COL17A1: variants seen among roughly 807,000 people sequenced by gnomAD.
The protein encoded by COL17A1 is collagen alpha-1(XVII) chain.
A neutral mutation model predicts 218.4 loss-of-function variants in COL17A1; 181 were observed. The observed-to-expected ratio is 0.83, with a 90% CI of 0.73 to 0.94. The LOEUF is 0.94. COL17A1 is among the 40% of genes least tolerant of loss of function. COL17A1 has a pLI of 0.00. For missense variants in COL17A1, 1,924 were observed against 1,945.9 expected, an observed-to-expected ratio of 0.99 and a Z score of 0.21; for synonymous variants, 721 against 731.0, an observed-to-expected ratio of 0.99 and a Z score of 0.22.
intron 36 of COL17A1, 40 bp from the exon 37 acceptor site, chr10:104,041,578 C>T (rs769476061): frequency 1.9e-5 from 29 of 1,564,232 alleles, no homozygotes; most frequent in East Asian, 2.2e-5. Flanking sequence ...AAAGCTGTCA[C>T]GAGGCTGCTC....
chr10:104,034,931 T>C (rs759109785), intron 50 of COL17A1, among the ~76,000 whole-genome samples, 164 bp from the exon 51 acceptor site: 3 of 152,140 alleles, frequency 2.0e-5, no homozygotes, highest in Non-Finnish European at 4.4e-5. Context: ...GCCTGCTGTT[T>C]CCTGACATCA....
At chr10:104,058,092 C>A (rs1347401102) in intron 16 of COL17A1, 54 bp downstream of exon 16, 1 of 1,611,734 alleles carries the variant, frequency 6.2e-7, no homozygotes. Flanking sequence ...GGTCCATTAG[C>A]CATAAGCAGC....
chr10:104,051,557 T>C (rs746523145), intron 24 of COL17A1, 41 bp from the exon 25 acceptor site: 1 of 1,613,394 alleles, frequency 6.2e-7, no homozygotes, highest in Non-Finnish European at 8.5e-7. Context: ...GAGGGGCAGA[T>C]ACAGGTGGGG....
intron 7 of COL17A1, 24 bp downstream of exon 7, chr10:104,073,186 A>G (rs1440658792): frequency 6.2e-7 from 1 of 1,609,776 alleles, no homozygotes; most frequent in Non-Finnish European, 8.5e-7. Context: ...AATGAATTGG[A>G]CTGAACCCAG....
intron 39 of COL17A1, among the ~76,000 whole-genome samples, 172 bp from the exon 40 acceptor site, chr10:104,040,582 ATGGATGGATGGATGGATAGG>A (rs1484938878): frequency 2.8e-4 from 43 of 151,406 alleles, no homozygotes; most frequent in South Asian, 1.3e-3. Context: ...GGATGGATGG[ATGGATGGATGGATGGATAGG>A]TGGATGGATG....
chr10:104,045,886 C>A, intron 32 of COL17A1, 93 bp from the exon 33 acceptor site: 1 of 1,017,794 alleles, frequency 9.8e-7, no homozygotes, highest in Non-Finnish European at 1.6e-6. Context: ...CTCAGCACAG[C>A]CACACTGCTG....
chr10:104,059,580 T>C (rs1446850413), intron 15 of COL17A1, 58 bp downstream of exon 15: 13 of 1,498,316 alleles, frequency 8.7e-6, no homozygotes, highest in Non-Finnish European at 1.0e-5. Flanking sequence ...CCGAAGACAA[T>C]GAAATGAAAT....
At chr10:104,082,323 A>T (rs2086771852) in intron 1 of COL17A1, among the ~76,000 whole-genome samples, 2 of 152,324 alleles carry the variant, frequency 1.3e-5, no homozygotes, top group South Asian at 4.1e-4. Context: ...GCTATAACCT[A>T]TATGACTTAT....
chr10:104,047,952 T>C, intron 30 of COL17A1, 117 bp downstream of exon 30: 1 of 1,411,738 alleles, frequency 7.1e-7, no homozygotes, highest in Middle Eastern at 1.8e-4. Context: ...AACTGGACAC[T>C]GCACACTTCC....
chr10:104,053,820 G>T (rs922089956), intron 22 of COL17A1, 100 bp downstream of exon 22: 3 of 760,582 alleles, frequency 3.9e-6, no homozygotes, highest in Non-Finnish European at 7.0e-6. Flanking sequence ...TCTCTCCAGA[G>T]CCTAAAACAA....
intron 10 of COL17A1, 130 bp from the exon 11 acceptor site, chr10:104,063,948 T>TCCTAAA: frequency 7.5e-7 from 1 of 1,341,920 alleles, no homozygotes; most frequent in Non-Finnish European, 1.0e-6. Flanking sequence ...TTTTTGTTTT[T>TCCTAAA]AGGAAAAACA....
At chr10:104,042,878 T>C (rs2086374596) in intron 35 of COL17A1, among the ~76,000 whole-genome samples, 1 of 152,256 alleles carries the variant, frequency 6.6e-6, no homozygotes, top group African/African-American at 2.4e-5. Context: ...AAATTGTCCA[T>C]AACTCTTCAA....
At chr10:104,037,867 C>T in intron 45 of COL17A1, 94 bp from the exon 46 acceptor site, 5 of 1,493,792 alleles carry the variant, frequency 3.3e-6, no homozygotes, top group Non-Finnish European at 3.6e-6. Flanking sequence ...ACATGCCTGC[C>T]CCGCCCCACA....
intron 5 of COL17A1, among the ~76,000 whole-genome samples, chr10:104,075,202 G>A (rs1340772563): frequency 2.6e-5 from 4 of 151,740 alleles, no homozygotes; most frequent in East Asian, 1.9e-4. Context: ...ACCTCTTTGC[G>A]AATGGCTTCC....
chr10:104,064,704 G>A, intron 9 of COL17A1, 108 bp from the exon 10 acceptor site: 1 of 1,064,706 alleles, frequency 9.4e-7, no homozygotes, highest in Non-Finnish European at 1.4e-6. Context: ...GGCATTGAAA[G>A]CCCCACATTT....
At chr10:104,047,656 C>T (rs2086425747) in intron 31 of COL17A1, 83 bp downstream of exon 31, 1 of 1,138,856 alleles carries the variant, frequency 8.8e-7, no homozygotes, top group Non-Finnish European at 1.3e-6. Context: ...TGCACATGCA[C>T]ACGCACACAC....
In COL17A1 at chr10:104,039,580, C is replaced by T. The variant is rs760491499; in HGVS notation, c.2821+28G>A. On this transcript the variant is annotated intron_variant, in intron 42 of 55. Transcript: ENST00000648076. ...GGGTTTGGAGAGGCTCTGGCCAGAG[C>T]CAGAATGGGGCGGGGTTCAGCCCTT... is the stretch of plus-strand genomic sequence containing the variant. The T allele has an allele frequency of 6.2e-6, 10 of 1,614,060 alleles. No individual in the cohort carries two copies. The East Asian group carries it at 2.2e-4, about 36-fold the overall frequency.
chr10:104,072,220 C>A, intron 7 of COL17A1, 141 bp from the exon 8 acceptor site: 1 of 1,290,652 alleles, frequency 7.7e-7, no homozygotes, highest in Non-Finnish European at 1.1e-6. Context: ...TAGGTGTGCC[C>A]AAGAAGAGTG....
intron 18 of COL17A1, 107 bp downstream of exon 18, chr10:104,055,675 G>A (rs1006359269): frequency 5.4e-6 from 8 of 1,472,930 alleles, no homozygotes; most frequent in South Asian, 2.4e-5. Flanking sequence ...GAGAGAGGCC[G>A]AGAGTGGGCC....
Sources: gnomAD v4.1 joint callset for allele counts (sites outside exome capture counted in the v4.1 genomes callset) on GRCh38, gnomAD v4.1.1 for gene constraint, MANE v1.5 for transcripts, NCBI Gene and HGNC (gene_info 2026-07-23, HGNC 2026-07-21) for gene names.